The following ATP13A4 variants were observed in gnomAD, a reference collection of about 807,000 sequenced individuals.
ATP13A4 encodes ATPase 13A4, also known as probable cation-transporting ATPase 13A4.
Under a neutral mutation model 142.5 loss-of-function variants are expected in ATP13A4, and 114 were observed. The ratio of observed to expected loss-of-function variants is 0.80; its 90% CI spans 0.69 to 0.93. The LOEUF (loss-of-function observed/expected upper bound fraction) is 0.93. Ranked by LOEUF, ATP13A4 falls within the 40% of genes least tolerant of loss-of-function variation. ATP13A4 has a pLI of 0.00. For missense variants in ATP13A4, 1,392 were observed against 1,454.0 expected, an observed-to-expected ratio of 0.96 and a Z score of 0.69; for synonymous variants, 488 against 514.8, an observed-to-expected ratio of 0.95 and a Z score of 0.70.
chr3:193,584,247 A>G lies in ATP13A4; in HGVS notation n.92-2341T>C, dbSNP rs76489927. Among the ~76,000 whole-genome samples the G allele has an allele frequency of 2.8e-3, 425 of 152,294 alleles. 3 individuals are homozygous for G. Among genetic ancestry groups the G allele is most frequent in the South Asian group, 0.017 (81 of 4,818 alleles). ...CTTACATGTGGAAAGCGGAGGTGGA[A>G]GGATTAGCATTGGAGTGATGTGGTG... On this transcript the variant is annotated intron_variant and non_coding_transcript_variant, in intron 1 of 3. Coordinates refer to the ATP13A4 transcript ENST00000489140.
intron 26 of ATP13A4, among the ~76,000 whole-genome samples, chr3:193,414,262 C>A (rs1714934466): frequency 6.6e-6 from 1 of 152,118 alleles, no homozygotes; most frequent in Non-Finnish European, 1.5e-5. Flanking sequence ...ACTGGGACAT[C>A]ACTTAATTTA....
At chr3:193,430,568 A>C (rs1715914992) in intron 25 of ATP13A4, among the ~76,000 whole-genome samples, 2 of 152,142 alleles carry the variant, frequency 1.3e-5, no homozygotes, top group African/African-American at 2.4e-5. Flanking sequence ...TTTCTGAAGA[A>C]GTGACATTTG....
intron 13 of ATP13A4, 111 bp downstream of exon 13, chr3:193,462,651 T>C (rs556895768): frequency 9.8e-7 from 1 of 1,016,952 alleles, no homozygotes; most frequent in African/African-American, 1.6e-5. Context: ...GCAATCATTG[T>C]CCACCAAAGC....
At chr3:193,409,786 G>T (rs1714675914) in intron 28 of ATP13A4, among the ~76,000 whole-genome samples, 1 of 152,212 alleles carries the variant, frequency 6.6e-6, no homozygotes, top group South Asian at 2.1e-4. Context: ...TGCAGGTGTT[G>T]CTGGTTGGGA....
intron 2 of ATP13A4, among the ~76,000 whole-genome samples, chr3:193,580,588 A>G (rs1186696397): frequency 6.6e-6 from 1 of 152,166 alleles, no homozygotes; most frequent in Non-Finnish European, 1.5e-5. Context: ...AGCCTAGTAT[A>G]TATATTTTTT....
chr3:193,515,000 T>C (rs1446232682), intron 1 of ATP13A4, 129 bp from the exon 2 acceptor site: 1 of 973,078 alleles, frequency 1.0e-6, no homozygotes, highest in African/African-American at 1.6e-5. Flanking sequence ...GAGGGCAGGG[T>C]GAGGCATGGA....
intron 10 of ATP13A4, 85 bp downstream of exon 10, chr3:193,467,231 T>G: frequency 7.2e-7 from 1 of 1,379,846 alleles, no homozygotes; most frequent in Admixed American, 2.1e-5. Flanking sequence ...AAAAAACAGC[T>G]TCTCTTTACC....
chr3:193,588,678 A>G lies in ATP13A4; in HGVS notation n.91+4343T>C, dbSNP rs146800312. On this transcript the variant is annotated intron_variant and non_coding_transcript_variant, in intron 1 of 3. Coordinates refer to the ATP13A4 transcript ENST00000489140. Reference sequence around the variant, plus strand: ...CTCCAGGATTATCTTTTTTGAGCCCACTTTATGACACTATAGTCTGCCTCT... The same window carrying G: ...CTCCAGGATTATCTTTTTTGAGCCCGCTTTATGACACTATAGTCTGCCTCT... Among the ~76,000 whole-genome samples, 109 of 152,024 alleles carry G rather than the reference A, an allele frequency of 7.2e-4. 1 individual carries two copies. The highest frequency in any genetic ancestry group is 2.5e-3 in the African/African-American group (103 of 41,444).
chr3:193,491,525 G>T, intron 5 of ATP13A4, 127 bp from the exon 6 acceptor site: 2 of 748,260 alleles, frequency 2.7e-6, no homozygotes, highest in Non-Finnish European at 4.7e-6. Flanking sequence ...AGTCTCCCTT[G>T]TTAAATACCA....
chr3:193,471,430 G>T (rs1396434272), intron 8 of ATP13A4, among the ~76,000 whole-genome samples: 3 of 151,918 alleles, frequency 2.0e-5, no homozygotes, highest in Non-Finnish European at 4.4e-5. Flanking sequence ...AAAAAAATTA[G>T]CCAGGCATGG....
At chr3:193,513,868 C>G (rs1721264785) in intron 2 of ATP13A4, among the ~76,000 whole-genome samples, 1 of 152,170 alleles carries the variant, frequency 6.6e-6, no homozygotes, top group South Asian at 2.1e-4. Context: ...CCTCAGGAGT[C>G]ACTCCAGTGC....
At chr3:193,592,343 C>G (rs781212520) in intron 1 of ATP13A4, among the ~76,000 whole-genome samples, 16 of 152,110 alleles carry the variant, frequency 1.1e-4, no homozygotes, top group Admixed American at 2.0e-4. Flanking sequence ...GAGAGGAGCT[C>G]AAGATGGCTG....
At chr3:193,471,691 C>A (rs182971184) in intron 8 of ATP13A4, among the ~76,000 whole-genome samples, 3 of 151,954 alleles carry the variant, frequency 2.0e-5, no homozygotes. Context: ...CACACACACA[C>A]ACAAACACAA....
Position 193,442,506 on chromosome 3 carries a change from A to C in ATP13A4, c.2203T>G (p.Ser735Ala). ...ITVARKSGMV[S>A]ESQKVILIEA... ...ATGAGAATGACTTTCTGGCTTTCAG[A>C]AACCATTCCAGATTTTCTGGCCACT... The change falls in exon 19 of 30, where the codon TCT becomes GCT. Residue 735 changes from serine to alanine, a missense_variant. Ser to Ala is a moderately conservative substitution (Grantham distance 99). Coordinates refer to ENST00000342695, the MANE Select transcript of ATP13A4 (RefSeq NM_032279.4). 3.1e-6 allele frequency: 5 copies of C among 1,614,132 alleles called. No homozygotes were observed. Among genetic ancestry groups the C allele is most frequent in the Middle Eastern group, 1.7e-4 (1 of 6,058 alleles).
At chr3:193,497,227 A>G (rs1196115176) in intron 3 of ATP13A4, among the ~76,000 whole-genome samples, 1 of 152,238 alleles carries the variant, frequency 6.6e-6, no homozygotes, top group Non-Finnish European at 1.5e-5. Flanking sequence ...CAAGAGCAAC[A>G]AAACAACTAT....
chr3:193,426,520 T>TA (rs1342838451), intron 25 of ATP13A4, among the ~76,000 whole-genome samples: 1 of 151,856 alleles, frequency 6.6e-6, no homozygotes, highest in Admixed American at 6.6e-5. Flanking sequence ...TCCTCAGATT[T>TA]ATATGAAATT....
At chr3:193,580,538 T>C (rs952427242) in intron 2 of ATP13A4, among the ~76,000 whole-genome samples, 4 of 152,194 alleles carry the variant, frequency 2.6e-5, no homozygotes, top group African/African-American at 9.6e-5. Context: ...CAAGCTAGTA[T>C]ACGTACTACT....
chr3:193,567,948 CTTTCT>C (rs557033866), intron 2 of ATP13A4, among the ~76,000 whole-genome samples: 17 of 151,784 alleles, frequency 1.1e-4, no homozygotes, highest in Admixed American at 4.6e-4. Flanking sequence ...CCACCACTTT[CTTTCT>C]TTTCTTTTCT....
chr3:193,411,990 G>A (rs1277543665), intron 27 of ATP13A4, among the ~76,000 whole-genome samples, 188 bp downstream of exon 27: 1 of 152,180 alleles, frequency 6.6e-6, no homozygotes, highest in Non-Finnish European at 1.5e-5. Flanking sequence ...AGTATTTAAT[G>A]TAGCTTTGAA....
Sources: allele counts gnomAD v4.1 joint callset (sites outside exome capture counted in the v4.1 genomes callset), GRCh38; gene constraint gnomAD v4.1.1; transcripts MANE v1.5; gene names NCBI Gene and HGNC (gene_info 2026-07-23, HGNC 2026-07-21).